Variants in CDKAL1 observed in about 807,000 individuals in gnomAD.
CDKAL1 encodes the protein threonylcarbamoyladenosine tRNA methylthiotransferase.
A neutral mutation model predicts 68.2 loss-of-function variants in CDKAL1; 32 were observed. The ratio of observed to expected loss-of-function variants is 0.47; its 90% confidence interval spans 0.35 to 0.63. The LOEUF is 0.63. CDKAL1 is among the 30% of genes least tolerant of loss of function. The pLI is 0.00. For missense variants in CDKAL1, 606 were observed against 696.7 expected, an observed-to-expected ratio of 0.87 and a Z score of 1.47; for synonymous variants, 234 against 244.3, an observed-to-expected ratio of 0.96 and a Z score of 0.39.
At chr6:20,799,575 T>C (rs1400559603) in intron 8 of CDKAL1, among the ~76,000 whole-genome samples, 2 of 152,236 alleles carry the variant, frequency 1.3e-5, no homozygotes, top group Non-Finnish European at 2.9e-5. Context: ...ATTTAACGTA[T>C]GATTTTCCAT....
intron 4 of CDKAL1, among the ~76,000 whole-genome samples, chr6:20,642,493 A>AC (rs1768228457): frequency 6.6e-6 from 1 of 151,158 alleles, no homozygotes; most frequent in African/African-American, 2.4e-5. Flanking sequence ...AAAAAAAAAA[A>AC]CACTGCGAGG....
intron 13 of CDKAL1, among the ~76,000 whole-genome samples, chr6:21,197,568 A>G (rs1310260723): frequency 6.6e-6 from 1 of 152,228 alleles, no homozygotes; most frequent in East Asian, 1.9e-4. Context: ...CTTTAGTGTT[A>G]CATCCCTCAT....
At chr6:21,127,050 A>G (rs1775049073) in intron 13 of CDKAL1, among the ~76,000 whole-genome samples, 1 of 152,198 alleles carries the variant, frequency 6.6e-6, no homozygotes, top group Non-Finnish European at 1.5e-5. Flanking sequence ...TGGAATAGCC[A>G]ACCAAAGTTT....
chr6:20,931,270 A>G (rs893641918), intron 9 of CDKAL1, among the ~76,000 whole-genome samples: 3 of 152,184 alleles, frequency 2.0e-5, no homozygotes, highest in Non-Finnish European at 4.4e-5. Context: ...GAGCTTGGAA[A>G]AGTTGCTACA....
intron 9 of CDKAL1, among the ~76,000 whole-genome samples, chr6:20,889,214 G>T (rs1293385368): frequency 2.6e-5 from 4 of 151,544 alleles, no homozygotes; most frequent in Non-Finnish European, 5.9e-5. Context: ...TTTTTGATGG[G>T]GTTGTTTGTT....
intron 5 of CDKAL1, among the ~76,000 whole-genome samples, chr6:20,672,923 C>T (rs111495167): frequency 0.011 from 1,665 of 151,984 alleles, 10 homozygotes; most frequent in African/African-American, 0.019. Flanking sequence ...ATTACAGGCG[C>T]GAGCTACCAT....
chr6:20,668,840 T>C (rs1244003688), intron 5 of CDKAL1, among the ~76,000 whole-genome samples: 1 of 152,234 alleles, frequency 6.6e-6, no homozygotes, highest in African/African-American at 2.4e-5. Flanking sequence ...TTTTATGACA[T>C]TGACGCTGTT....
chr6:21,132,187 T>C (rs1179143060), intron 13 of CDKAL1, among the ~76,000 whole-genome samples: 1 of 152,138 alleles, frequency 6.6e-6, no homozygotes, highest in Non-Finnish European at 1.5e-5. Context: ...AAGATCTCTT[T>C]GCACAAAAAT....
chr6:20,713,415 T>C (rs1484335026), intron 5 of CDKAL1, among the ~76,000 whole-genome samples: 1 of 152,228 alleles, frequency 6.6e-6, no homozygotes. Flanking sequence ...TAAGAGTACA[T>C]GATGTAAATC....
chr6:20,888,993 T>G (rs1281188781), intron 9 of CDKAL1, among the ~76,000 whole-genome samples: 1 of 152,188 alleles, frequency 6.6e-6, no homozygotes, highest in Non-Finnish European at 1.5e-5. Flanking sequence ...ACCAACAGTG[T>G]CAAAGTGTTC....
At chr6:20,854,727 CT>C (rs1759232538) in intron 9 of CDKAL1, among the ~76,000 whole-genome samples, 1 of 152,204 alleles carries the variant, frequency 6.6e-6, no homozygotes. Context: ...TAAATCTATC[CT>C]TAATGAAAAT....
intron 10 of CDKAL1, among the ~76,000 whole-genome samples, chr6:20,998,811 G>C (rs888058626): frequency 6.6e-6 from 1 of 152,086 alleles, no homozygotes. Flanking sequence ...GTGGATAAAG[G>C]ATATCTATGA....
chr6:20,883,008 C>T (rs1362811261), intron 9 of CDKAL1, among the ~76,000 whole-genome samples: 2 of 151,896 alleles, frequency 1.3e-5, no homozygotes, highest in African/African-American at 4.8e-5. Context: ...TTCTCTTTTG[C>T]TCCTGAAACT....
At chr6:20,548,452 A>C (rs886695915) in intron 3 of CDKAL1, 141 bp from the exon 4 acceptor site, 4 of 619,628 alleles carry the variant, frequency 6.5e-6, no homozygotes, top group African/African-American at 1.9e-5. Flanking sequence ...AGGATCCCTT[A>C]GGCCTGGGAG....
At chr6:20,579,354 G>T (rs1191535751) in intron 4 of CDKAL1, among the ~76,000 whole-genome samples, 1 of 152,050 alleles carries the variant, frequency 6.6e-6, no homozygotes, top group Admixed American at 6.5e-5. Context: ...ACGGATGCCT[G>T]AAAAAAAGCA....
chr6:20,545,569 T>A (rs2127652164), intron 2 of CDKAL1, among the ~76,000 whole-genome samples: 1 of 152,266 alleles, frequency 6.6e-6, no homozygotes, highest in East Asian at 1.9e-4. Context: ...CCCAAGTAGC[T>A]AAAACTGCAG....
intron 12 of CDKAL1, among the ~76,000 whole-genome samples, chr6:21,069,234 C>A (rs775156923): frequency 3.3e-5 from 5 of 152,130 alleles, no homozygotes; most frequent in African/African-American, 9.7e-5. Flanking sequence ...CTCTTCTTCC[C>A]AAGCTCAAGG....
intron 13 of CDKAL1, among the ~76,000 whole-genome samples, chr6:21,162,809 T>C (rs1384809158): frequency 6.6e-6 from 1 of 152,062 alleles, no homozygotes; most frequent in Admixed American, 6.6e-5. Context: ...GTGTCTGTAG[T>C]CCCAGCTGCT....
At chr6:20,927,241 G>A (rs1013747524) in intron 9 of CDKAL1, among the ~76,000 whole-genome samples, 11 of 152,116 alleles carry the variant, frequency 7.2e-5, no homozygotes, top group Admixed American at 4.6e-4. Context: ...GATGGGGGTC[G>A]TTTTAAACAT....
Sources: gnomAD v4.1 joint callset for allele counts (sites outside exome capture counted in the v4.1 genomes callset) on GRCh38, gnomAD v4.1.1 for gene constraint, MANE v1.5 for transcripts, NCBI Gene and HGNC (gene_info 2026-07-23, HGNC 2026-07-21) for gene names.